Variants in OR2L13 observed in about 807,000 individuals in gnomAD.
OR2L13 encodes the protein olfactory receptor family 2 subfamily L member 13.
A neutral mutation model predicts 15.3 loss-of-function variants in OR2L13; 14 were observed. The observed-to-expected ratio is 0.91, with a 90% CI of 0.60 to 1.43. The LOEUF is 1.43. OR2L13 is among the 40% of genes most tolerant of loss of function. OR2L13 has a pLI of 0.00. For missense variants in OR2L13, 367 were observed against 387.9 expected, an observed-to-expected ratio of 0.95 and a Z score of 0.45; for synonymous variants, 152 against 142.9, an observed-to-expected ratio of 1.06 and a Z score of -0.45.
chr1:248,002,811 TCG>T, the OR2L13 span, among the ~76,000 whole-genome samples: 4 of 149,254 alleles, frequency 2.7e-5, no homozygotes, highest in Non-Finnish European at 5.9e-5. Flanking sequence ...TGAGCCGAGA[TCG>T]CACCACTGCA....
At chr1:248,022,097 G>A in the OR2L13 span, 2 of 1,613,568 alleles carry the variant, frequency 1.2e-6, no homozygotes, top group Non-Finnish European at 8.5e-7. Flanking sequence ...TCATCTTCTT[G>A]GACACCCATC....
At chr1:247,946,883 T>A in the OR2L13 span, among the ~76,000 whole-genome samples, 3 of 152,170 alleles carry the variant, frequency 2.0e-5, no homozygotes, top group African/African-American at 7.2e-5. Flanking sequence ...CATTTGAACA[T>A]GATAGTTAAT....
chr1:248,004,695 A>G, the OR2L13 span, among the ~76,000 whole-genome samples: 1 of 152,224 alleles, frequency 6.6e-6, no homozygotes, highest in South Asian at 2.1e-4. Context: ...TTTTAGGTCA[A>G]CAACAAGGAC....
chr1:248,027,916 G>A, the OR2L13 span, among the ~76,000 whole-genome samples: 8 of 151,840 alleles, frequency 5.3e-5, no homozygotes, highest in East Asian at 1.4e-3. Context: ...TGAGGTGGGT[G>A]GATCACGAGG....
At chr1:248,003,120 A>T in the OR2L13 span, 1 of 1,221,444 alleles carries the variant, frequency 8.2e-7, no homozygotes, top group Non-Finnish European at 1.2e-6. Context: ...GATGGATTGT[A>T]GGAATGCCCC....
chr1:247,977,638 G>A, the OR2L13 span, among the ~76,000 whole-genome samples: 3 of 152,122 alleles, frequency 2.0e-5, no homozygotes, highest in African/African-American at 7.2e-5. Flanking sequence ...GAACCAGCTC[G>A]CCCGATAGCC....
At chr1:248,070,275 C>G in the OR2L13 span, among the ~76,000 whole-genome samples, 2 of 152,082 alleles carry the variant, frequency 1.3e-5, no homozygotes, top group South Asian at 4.1e-4. Flanking sequence ...AACAAACTGT[C>G]TCTCAGACCA....
At chr1:247,999,884 G>C in the OR2L13 span, among the ~76,000 whole-genome samples, 4 of 152,090 alleles carry the variant, frequency 2.6e-5, no homozygotes, top group Non-Finnish European at 4.4e-5. Flanking sequence ...CCATTTTCCA[G>C]CTCTATGTGT....
chr1:247,940,708 T>TTG, the OR2L13 span, among the ~76,000 whole-genome samples: 657 of 141,258 alleles, frequency 4.7e-3, 8 homozygotes, highest in African/African-American at 0.016. Context: ...TAGAATGATT[T>TTG]TGTGTGTGTG....
At chr1:248,060,258 A>G in the OR2L13 span, among the ~76,000 whole-genome samples, 1 of 152,310 alleles carries the variant, frequency 6.6e-6, no homozygotes, top group African/African-American at 2.4e-5. Context: ...ATAAATTTAC[A>G]TATTTCTCAG....
chr1:247,973,093 C>A, the OR2L13 span, among the ~76,000 whole-genome samples: 3 of 152,156 alleles, frequency 2.0e-5, no homozygotes, highest in Admixed American at 2.0e-4. Flanking sequence ...ATGCTAAAAA[C>A]ACTCAATAAA....
the OR2L13 span, among the ~76,000 whole-genome samples, chr1:248,066,124 CTCTT>C: frequency 6.6e-6 from 1 of 152,188 alleles, no homozygotes; most frequent in Non-Finnish European, 1.5e-5. Context: ...GAGCCAGTTT[CTCTT>C]TTTTCTGTAA....
the OR2L13 span, among the ~76,000 whole-genome samples, chr1:248,080,891 C>T: frequency 2.0e-5 from 3 of 152,310 alleles, no homozygotes; most frequent in African/African-American, 7.2e-5. Context: ...CTCCCAACAA[C>T]AGTGTTTGTT....
the OR2L13 span, among the ~76,000 whole-genome samples, chr1:248,057,691 T>A: frequency 6.6e-6 from 1 of 152,188 alleles, no homozygotes; most frequent in Non-Finnish European, 1.5e-5. Context: ...TTTCTCATTT[T>A]CAATGTATAA....
the OR2L13 span, chr1:247,965,809 G>T: frequency 2.5e-6 from 4 of 1,609,258 alleles, no homozygotes; most frequent in African/African-American, 5.3e-5. Flanking sequence ...CTGCCTCATG[G>T]TTGCATGTGC....
the OR2L13 span, among the ~76,000 whole-genome samples, chr1:247,946,349 C>G: frequency 6.6e-6 from 1 of 152,040 alleles, no homozygotes; most frequent in Admixed American, 6.6e-5. Flanking sequence ...GACTGAACTT[C>G]CAGTAATATG....
At chr1:247,944,676 T>C in the OR2L13 span, among the ~76,000 whole-genome samples, 706 of 152,310 alleles carry the variant, frequency 4.6e-3, 3 homozygotes, top group African/African-American at 0.015. Context: ...CCATGGTGTA[T>C]ACGTACCACA....
the OR2L13 span, chr1:248,061,934 G>A: frequency 1.9e-5 from 4 of 215,728 alleles, no homozygotes; most frequent in Non-Finnish European, 3.7e-5. Flanking sequence ...TTGGCACTCA[G>A]CATAACAATT....
chr1:248,001,973 AAT>A, the OR2L13 span, among the ~76,000 whole-genome samples: 1 of 152,198 alleles, frequency 6.6e-6, no homozygotes, highest in African/African-American at 2.4e-5. Context: ...AACAATTTCA[AAT>A]ATTACATGTT....
Sources: allele counts gnomAD v4.1 joint callset (sites outside exome capture counted in the v4.1 genomes callset), GRCh38; gene constraint gnomAD v4.1.1; transcripts MANE v1.5; gene names NCBI Gene and HGNC (gene_info 2026-07-23, HGNC 2026-07-21).